Variants in ERBB4 observed in about 807,000 individuals in gnomAD.
The protein encoded by ERBB4 is receptor tyrosine-protein kinase erbB-4.
Under a neutral mutation model 158.0 loss-of-function variants are expected in ERBB4, and 42 were observed. The ratio of observed to expected loss-of-function variants is 0.27; its 90% CI spans 0.21 to 0.34. The LOEUF is 0.34. Ranked by LOEUF, ERBB4 falls within the 10% of genes least tolerant of loss-of-function variation. The probability of loss-of-function intolerance (pLI) is 1.00; values close to 1 mark genes in which losing one functional copy is unlikely to be tolerated. For synonymous variants in ERBB4, 583 were observed against 558.7 expected, an observed-to-expected ratio of 1.04 and a Z score of -0.61; for missense variants, 1,333 against 1,624.1, an observed-to-expected ratio of 0.82 and a Z score of 3.08.
chr2:211,566,203 G>C (rs2125732716), intron 19 of ERBB4, among the ~76,000 whole-genome samples: 1 of 152,328 alleles, frequency 6.6e-6, no homozygotes, highest in Admixed American at 6.5e-5. Flanking sequence ...AAAGATCACT[G>C]TAGAAACCAC....
At chr2:211,998,360 G>C (rs1005254518) in intron 2 of ERBB4, among the ~76,000 whole-genome samples, 1 of 151,736 alleles carries the variant, frequency 6.6e-6, no homozygotes, top group Non-Finnish European at 1.5e-5. Context: ...AGTGTGATGT[G>C]TTATGTTTTG....
chr2:212,416,434 A>G (rs558228305), intron 1 of ERBB4, among the ~76,000 whole-genome samples: 2 of 152,106 alleles, frequency 1.3e-5, no homozygotes, highest in Non-Finnish European at 2.9e-5. Context: ...TACTTAGGAA[A>G]GGGGTCAGAC....
At chr2:211,807,927 C>T (rs1432119752) in intron 3 of ERBB4, among the ~76,000 whole-genome samples, 2 of 152,134 alleles carry the variant, frequency 1.3e-5, no homozygotes, top group African/African-American at 2.4e-5. Flanking sequence ...ATGTCTTCTT[C>T]TGAGAAGTTT....
At chr2:212,383,410 G>C (rs1159274239) in intron 1 of ERBB4, among the ~76,000 whole-genome samples, 1 of 151,442 alleles carries the variant, frequency 6.6e-6, no homozygotes, top group Non-Finnish European at 1.5e-5. Flanking sequence ...TTATCCGAAA[G>C]AAAGAAGGAA....
chr2:212,418,505 G>A (rs1444536236), intron 1 of ERBB4, among the ~76,000 whole-genome samples: 1 of 150,414 alleles, frequency 6.6e-6, no homozygotes, highest in African/African-American at 2.4e-5. Flanking sequence ...AATAGAGTCT[G>A]CCTTGCTAAA....
chr2:211,941,361 T>G (rs2080490512), intron 3 of ERBB4, among the ~76,000 whole-genome samples: 1 of 152,062 alleles, frequency 6.6e-6, no homozygotes, highest in African/African-American at 2.4e-5. Flanking sequence ...CAACAATCCC[T>G]GAACTAGCCT....
chr2:212,142,250 A>C (rs930955503), intron 1 of ERBB4, among the ~76,000 whole-genome samples: 1 of 152,128 alleles, frequency 6.6e-6, no homozygotes, highest in Admixed American at 6.6e-5. Context: ...TTTACCATGT[A>C]AGCCCTATGA....
At chr2:212,126,726 T>C (rs530290900) in intron 1 of ERBB4, among the ~76,000 whole-genome samples, 3 of 152,092 alleles carry the variant, frequency 2.0e-5, no homozygotes, top group Non-Finnish European at 2.9e-5. Context: ...CACAGCTTAG[T>C]AATAAGGTAA....
intron 1 of ERBB4, among the ~76,000 whole-genome samples, chr2:212,495,861 G>A (rs1690537543): frequency 6.6e-6 from 1 of 152,032 alleles, no homozygotes; most frequent in East Asian, 1.9e-4. Flanking sequence ...TACTATTTAT[G>A]GTGCTTAATA....
intron 1 of ERBB4, among the ~76,000 whole-genome samples, chr2:212,418,481 T>C (rs1036378793): frequency 2.0e-5 from 3 of 151,332 alleles, no homozygotes; most frequent in Non-Finnish European, 4.4e-5. Context: ...CTAGTTTTAT[T>C]GTAATTTTCA....
At chr2:211,967,012 T>C (rs1185792739) in intron 2 of ERBB4, among the ~76,000 whole-genome samples, 2 of 152,174 alleles carry the variant, frequency 1.3e-5, no homozygotes, top group African/African-American at 2.4e-5. Context: ...AATTATTAAA[T>C]ATTTATTAAA....
At chr2:212,399,072 T>C (rs2091114782) in intron 1 of ERBB4, among the ~76,000 whole-genome samples, 1 of 151,992 alleles carries the variant, frequency 6.6e-6, no homozygotes, top group East Asian at 1.9e-4. Flanking sequence ...GCCTCCCAAT[T>C]AGCTGGACTA....
chr2:212,118,672 T>C (rs2079644518), intron 2 of ERBB4, among the ~76,000 whole-genome samples: 1 of 152,080 alleles, frequency 6.6e-6, no homozygotes, highest in Non-Finnish European at 1.5e-5. Flanking sequence ...GGACATTTTC[T>C]CTGGTAGAGA....
chr2:212,055,199 G>A (rs776215377), intron 2 of ERBB4, among the ~76,000 whole-genome samples: 1 of 152,186 alleles, frequency 6.6e-6, no homozygotes, highest in Non-Finnish European at 1.5e-5. Flanking sequence ...CTCACTCATT[G>A]CTAGCACAGC....
intron 20 of ERBB4, among the ~76,000 whole-genome samples, chr2:211,555,268 C>T (rs2067207071): frequency 6.6e-6 from 1 of 152,156 alleles, no homozygotes; most frequent in South Asian, 2.1e-4. Flanking sequence ...TCACCGCAAC[C>T]TCTACCTCCC....
chr2:211,419,005 T>C (rs1430170603), intron 25 of ERBB4, among the ~76,000 whole-genome samples: 1 of 152,132 alleles, frequency 6.6e-6, no homozygotes, highest in Non-Finnish European at 1.5e-5. Flanking sequence ...ATCTTCTAAA[T>C]GGAGGTAGAT....
chr2:211,857,285 C>T (rs949133462), intron 3 of ERBB4, among the ~76,000 whole-genome samples: 1 of 151,938 alleles, frequency 6.6e-6, no homozygotes, highest in African/African-American at 2.4e-5. Flanking sequence ...CACTTAAATT[C>T]CTCCAATTAA....
chr2:211,391,902 T>C (rs547105501), intron 25 of ERBB4, among the ~76,000 whole-genome samples: 1 of 152,196 alleles, frequency 6.6e-6, no homozygotes, highest in Non-Finnish European at 1.5e-5. Flanking sequence ...ATGCCTAGCT[T>C]CTATCTAAAT....
In ERBB4 at chr2:212,247,863, C is replaced by T. The variant is rs1250886777; in HGVS notation, c.83-122960G>A. Among the ~76,000 whole-genome samples the T allele has an allele frequency of 2.0e-5, 3 of 152,090 alleles. No individual in the cohort carries two copies. The East Asian group carries it at 5.8e-4, about 29-fold the overall frequency. ...CCTGTAATCCCAGCTACTAAGGAGGCTGAGACATGAGAATCACTTGAACCT... is the reference window on the plus strand; with the variant it reads ...CCTGTAATCCCAGCTACTAAGGAGGTTGAGACATGAGAATCACTTGAACCT... On this transcript the variant is annotated intron_variant, in intron 1 of 27. Coordinates refer to ENST00000342788, the MANE Select transcript of ERBB4 (RefSeq NM_005235.3).
Sources: gnomAD v4.1 joint callset for allele counts (sites outside exome capture counted in the v4.1 genomes callset) on GRCh38, gnomAD v4.1.1 for gene constraint, MANE v1.5 for transcripts, NCBI Gene and HGNC (gene_info 2026-07-23, HGNC 2026-07-21) for gene names.